Variants in RCAN2 observed in about 807,000 individuals in gnomAD.
RCAN2 encodes regulator of calcineurin 2, also known as calcipressin-2.
Under a neutral mutation model 23.6 loss-of-function variants are expected in RCAN2, and 9 were observed. That is an observed-to-expected ratio of 0.38 (90% CI 0.23 to 0.67). The LOEUF (loss-of-function observed/expected upper bound fraction) is 0.67. RCAN2 is among the 30% of genes least tolerant of loss of function. The pLI, the probability that RCAN2 is intolerant of heterozygous loss-of-function variation, is 0.51. For synonymous variants in RCAN2, 109 were observed against 115.7 expected (o/e 0.94, Z 0.37); for missense variants, 273 against 302.3 (o/e 0.90, Z 0.72).
intron 2 of RCAN2, among the ~76,000 whole-genome samples, chr6:46,291,938 T>C (rs1275411665): frequency 6.6e-6 from 1 of 152,172 alleles, no homozygotes; most frequent in Non-Finnish European, 1.5e-5. Flanking sequence ...TACAGAGACA[T>C]GAATGTGCAG....
At chr6:46,404,710 T>C (rs891506209) in intron 2 of RCAN2, among the ~76,000 whole-genome samples, 2 of 152,090 alleles carry the variant, frequency 1.3e-5, no homozygotes, top group Non-Finnish European at 2.9e-5. Context: ...AAGACAAAAA[T>C]AAATAAATAG....
In RCAN2 at chr6:46,445,343, G is replaced by C. The variant is rs553883963; in HGVS notation, c.225+11409C>G. On this transcript the variant is annotated intron_variant, in intron 2 of 4. Transcript: ENST00000371374. ...CAGGCCTGCCCACCTGCTGACCCAG[G>C]CACCAGGATAGCCTGCCCAAGGACT... Among the ~76,000 whole-genome samples, 4 of 152,232 alleles carry C rather than the reference G, an allele frequency of 2.6e-5. No individual in the cohort carries two copies. The South Asian group carries it at 8.3e-4, about 32-fold the overall frequency.
At chr6:46,444,044 C>T (rs910214335) in intron 2 of RCAN2, among the ~76,000 whole-genome samples, 1 of 152,128 alleles carries the variant, frequency 6.6e-6, no homozygotes, top group African/African-American at 2.4e-5. Context: ...GTGTGTCAGG[C>T]CCTATGCAAG....
intron 2 of RCAN2, among the ~76,000 whole-genome samples, chr6:46,370,437 A>G (rs1305715549): frequency 6.6e-6 from 1 of 152,114 alleles, no homozygotes; most frequent in Non-Finnish European, 1.5e-5. Flanking sequence ...CCCTGACCCC[A>G]GCTCCCATGT....
chr6:46,376,693 C>T (rs1334016207), intron 2 of RCAN2, among the ~76,000 whole-genome samples: 2 of 130,466 alleles, frequency 1.5e-5, no homozygotes, highest in Non-Finnish European at 3.1e-5. Flanking sequence ...GACTCCACCT[C>T]AAAAAAAACC....
chr6:46,331,737 T>C (rs2150367371), intron 2 of RCAN2, among the ~76,000 whole-genome samples: 1 of 152,334 alleles, frequency 6.6e-6, no homozygotes, highest in East Asian at 1.9e-4. Flanking sequence ...TTATAAGCCT[T>C]TTCAGTGAAC....
At chr6:46,359,786 C>A (rs975210316) in intron 2 of RCAN2, among the ~76,000 whole-genome samples, 3 of 152,072 alleles carry the variant, frequency 2.0e-5, no homozygotes, top group Non-Finnish European at 4.4e-5. Context: ...TGAATATATC[C>A]TGTTTGTGTG....
chr6:46,330,295 G>A (rs1417357182), intron 2 of RCAN2, among the ~76,000 whole-genome samples: 1 of 152,108 alleles, frequency 6.6e-6, no homozygotes, highest in Non-Finnish European at 1.5e-5. Context: ...ACACTCTGGA[G>A]GGAAGACCAG....
chr6:46,325,432 A>T (rs746848064), intron 2 of RCAN2: 1 of 1,614,200 alleles, frequency 6.2e-7, no homozygotes, highest in East Asian at 2.2e-5. Flanking sequence ...CATCCACCAC[A>T]CAGGCAACCA....
At chr6:46,341,793 G>GT (rs1225459244) in intron 2 of RCAN2, among the ~76,000 whole-genome samples, 1 of 120,746 alleles carries the variant, frequency 8.3e-6, no homozygotes, top group East Asian at 3.1e-4. Context: ...GCAAGACTCT[G>GT]TCCCAAAAAA....
intron 2 of RCAN2, among the ~76,000 whole-genome samples, chr6:46,252,278 C>T (rs149290466): frequency 3.8e-4 from 58 of 152,328 alleles, no homozygotes; most frequent in African/African-American, 1.3e-3. Flanking sequence ...TACAGAAAAT[C>T]TTCTGTGGTC....
At chr6:46,458,986 G>C (rs927391059) in intron 1 of RCAN2, among the ~76,000 whole-genome samples, 1 of 152,326 alleles carries the variant, frequency 6.6e-6, no homozygotes, top group Non-Finnish European at 1.5e-5. Context: ...CCACCTCCCG[G>C]GTTCAAGTGA....
chr6:46,416,788 C>T (rs1407325803), intron 2 of RCAN2, among the ~76,000 whole-genome samples: 1 of 152,134 alleles, frequency 6.6e-6, no homozygotes, highest in African/African-American at 2.4e-5. Context: ...TCCCAAAGGG[C>T]TGGGATTACA....
At chr6:46,345,657 C>T (rs1475708636) in intron 2 of RCAN2, among the ~76,000 whole-genome samples, 1 of 152,094 alleles carries the variant, frequency 6.6e-6, no homozygotes, top group Non-Finnish European at 1.5e-5. Flanking sequence ...ACATTATTTG[C>T]CTTTTTTACT....
At chr6:46,330,173 C>T (rs1763919965) in intron 2 of RCAN2, among the ~76,000 whole-genome samples, 2 of 152,204 alleles carry the variant, frequency 1.3e-5, no homozygotes, top group South Asian at 4.1e-4. Flanking sequence ...GCCAATCTTG[C>T]TTCCTCTCTG....
chr6:46,410,520 G>A (rs1381314083), intron 2 of RCAN2, among the ~76,000 whole-genome samples: 1 of 152,110 alleles, frequency 6.6e-6, no homozygotes, highest in African/African-American at 2.4e-5. Flanking sequence ...ATTTGACATC[G>A]TCTTTCTCCA....
chr6:46,419,571 A>G (rs966203214), intron 2 of RCAN2, among the ~76,000 whole-genome samples: 2 of 152,242 alleles, frequency 1.3e-5, no homozygotes, highest in Admixed American at 1.3e-4. Flanking sequence ...TTTTATAAAA[A>G]TAAATTGTTC....
Position 46,248,810 on chromosome 6 carries a change from G to T in RCAN2, c.312C>A (p.Phe104Leu). 1 of 1,613,348 alleles carries T rather than the reference G, an allele frequency of 6.2e-7. No homozygotes were observed. The highest frequency in any genetic ancestry group is 8.5e-7 in the Non-Finnish European group (1 of 1,179,786). The part of the protein sequence containing the change: ...FKSFRRVRIN[F>L]SNPKSAARAR... ...CTCGGGCTGCAGATTTAGGATTGCT[G>T]AAGTTTATACGGACACGTCTGAAAC... The change falls in exon 3 of 5, where the codon TTC (phenylalanine) becomes TTA (leucine). Residue 104 changes from phenylalanine to leucine, a missense_variant. Physicochemically the swap from Phe to Leu is conservative, Grantham distance 22. Transcript: ENST00000371374.
chr6:46,432,223 GTTTTC>G (rs1767230357), intron 2 of RCAN2, among the ~76,000 whole-genome samples: 1 of 151,898 alleles, frequency 6.6e-6, no homozygotes, highest in Non-Finnish European at 1.5e-5. Context: ...GTTTTGTTTT[GTTTTC>G]TTGAGATGGA....
Sources: gnomAD v4.1 joint callset for allele counts (sites outside exome capture counted in the v4.1 genomes callset) on GRCh38, gnomAD v4.1.1 for gene constraint, MANE v1.5 for transcripts, NCBI Gene and HGNC (gene_info 2026-07-23, HGNC 2026-07-21) for gene names.